PTPRQ: variants seen among roughly 807,000 people sequenced by gnomAD.
PTPRQ encodes protein tyrosine phosphatase receptor type Q, also known as phosphatidylinositol phosphatase PTPRQ.
A neutral mutation model predicts 246.0 loss-of-function variants in PTPRQ; 199 were observed. The ratio of observed to expected loss-of-function variants is 0.81; its 90% CI spans 0.72 to 0.91. The LOEUF (loss-of-function observed/expected upper bound fraction) is 0.91. Among genes scored for constraint, PTPRQ ranks in the 40% least tolerant of loss-of-function variants. The pLI is 0.00. For missense variants in PTPRQ, 2,624 were observed against 2,528.4 expected, an observed-to-expected ratio of 1.04 and a Z score of -0.81; for synonymous variants, 869 against 853.2, an observed-to-expected ratio of 1.02 and a Z score of -0.32.
intron 25 of PTPRQ, among the ~76,000 whole-genome samples, chr12:80,570,062 T>G (rs1194753588): frequency 1.3e-5 from 2 of 152,198 alleles, no homozygotes; most frequent in Admixed American, 1.3e-4. Context: ...TGTGTCTTTA[T>G]AGTAGAGTGA....
At chr12:80,612,576 T>A (rs1361145056) in intron 28 of PTPRQ, among the ~76,000 whole-genome samples, 1 of 150,420 alleles carries the variant, frequency 6.6e-6, no homozygotes, top group East Asian at 1.9e-4. Context: ...TCTCATACAT[T>A]GCTAGTAGGA....
In PTPRQ at chr12:80,493,444, C is replaced by T; in HGVS notation, c.1529C>T (p.Thr510Ile). 1 of 1,548,194 alleles carries T rather than the reference C, an allele frequency of 6.5e-7. No individual in the cohort carries two copies. Among genetic ancestry groups the T allele is most frequent in the Non-Finnish European group, 8.7e-7 (1 of 1,145,096 alleles). The part of the protein sequence containing the change: ...FPARNRAEDQ[T>I]SPVVTTRNQY... ...GCAAGGAATAGAGCTGAAGACCAGA[C>T]TTCACCAGTTGGTAGGTAGAATTTT... The change falls in exon 10 of 45, where the codon ACT becomes ATT. Residue 510 changes from threonine to isoleucine, a missense_variant. Coordinates refer to ENST00000644991, the MANE Select transcript of PTPRQ (RefSeq NM_001145026.2).
rs1895240486 is a variant in PTPRQ at position 80,514,762 on chromosome 12, A to G, written c.2678+4319A>G. Among the ~76,000 whole-genome samples the G allele has an allele frequency of 2.7e-5, 4 of 146,348 alleles. 1 individual carries two copies. The South Asian group carries it at 8.4e-4, about 31-fold the overall frequency. ...TTACATTAGGTATTATATAATTATT[A>G]CATATTATTATATATAATTGTTATA... On this transcript the variant is annotated intron_variant, in intron 17 of 44. Coordinates refer to ENST00000644991, the MANE Select transcript of PTPRQ (RefSeq NM_001145026.2).
chr12:80,559,113 CA>C (rs892105941), intron 25 of PTPRQ, among the ~76,000 whole-genome samples: 46 of 152,152 alleles, frequency 3.0e-4, no homozygotes, highest in African/African-American at 1.1e-3. Flanking sequence ...GGCGCAATCT[CA>C]GCTCACCGGA....
At chr12:80,610,119 T>C (rs1215768789) in intron 27 of PTPRQ, among the ~76,000 whole-genome samples, 1 of 150,568 alleles carries the variant, frequency 6.6e-6, no homozygotes, top group Non-Finnish European at 1.5e-5. Flanking sequence ...CCAAAACCTC[T>C]ATGCTTTCTT....
chr12:80,561,700 A>C (rs960042829), intron 25 of PTPRQ: 1 of 152,034 alleles, frequency 6.6e-6, no homozygotes, highest in Non-Finnish European at 1.5e-5. Flanking sequence ...ATTGCTTGAG[A>C]TTCTCTGCGT....
chr12:80,659,699 C>T (rs935034796), intron 39 of PTPRQ, among the ~76,000 whole-genome samples: 1 of 151,966 alleles, frequency 6.6e-6, no homozygotes, highest in Admixed American at 6.6e-5. Context: ...CAAATGATAA[C>T]GTGGTATGAG....
intron 17 of PTPRQ, chr12:80,512,517 A>C (rs561092860): frequency 1.5e-4 from 23 of 152,324 alleles, no homozygotes; most frequent in African/African-American, 5.5e-4. Flanking sequence ...ATTTGTTAGG[A>C]ATAAGTAATG....
intron 39 of PTPRQ, among the ~76,000 whole-genome samples, chr12:80,667,941 C>T (rs541539905): frequency 6.6e-6 from 1 of 151,962 alleles, no homozygotes; most frequent in East Asian, 1.9e-4. Flanking sequence ...TCCTGGCTTG[C>T]ACTGTAATTT....
intron 8 of PTPRQ, among the ~76,000 whole-genome samples, chr12:80,475,050 T>C (rs1222709793): frequency 6.6e-6 from 1 of 152,198 alleles, no homozygotes; most frequent in Non-Finnish European, 1.5e-5. Flanking sequence ...GAAACTTTAA[T>C]TTGCTAGATA....
At chr12:80,563,387 T>C (rs1896885860) in intron 25 of PTPRQ, among the ~76,000 whole-genome samples, 1 of 151,736 alleles carries the variant, frequency 6.6e-6, no homozygotes, top group Admixed American at 6.6e-5. Context: ...AGAGCCCTCA[T>C]GAGCTAATCC....
intron 19 of PTPRQ, among the ~76,000 whole-genome samples, chr12:80,537,310 T>C (rs1896016761): frequency 6.6e-6 from 1 of 152,186 alleles, no homozygotes; most frequent in Non-Finnish European, 1.5e-5. Flanking sequence ...GCAGAATAAG[T>C]GTATACCTTT....
Position 80,520,548 on chromosome 12 carries a change from C to T in PTPRQ, c.2678+10105C>T, listed in dbSNP as rs1895446038. On this transcript the variant is annotated intron_variant, in intron 17 of 44. Transcript: ENST00000644991. ...ACAACAGGCCCCGGTGTGTGATGTTCCCCTTCCTGTGTCCATGTGTTCTCA... is the reference window on the plus strand; with the variant it reads ...ACAACAGGCCCCGGTGTGTGATGTTTCCCTTCCTGTGTCCATGTGTTCTCA... Among the ~76,000 whole-genome samples, 3 of 120,654 alleles carry T rather than the reference C, an allele frequency of 2.5e-5. No homozygotes were observed. The Admixed American group carries it at 3.2e-4, about 13-fold the overall frequency. 79.2% of individuals were successfully genotyped at this position (120,654 alleles called of 152,430 possible).
chr12:80,590,233 A>G (rs1246437124), intron 26 of PTPRQ, among the ~76,000 whole-genome samples: 2 of 152,164 alleles, frequency 1.3e-5, no homozygotes, highest in Non-Finnish European at 2.9e-5. Context: ...CACACCATCT[A>G]AACAAATTCC....
chr12:80,598,668 G>T (rs1478631318), intron 26 of PTPRQ, among the ~76,000 whole-genome samples: 1 of 151,904 alleles, frequency 6.6e-6, no homozygotes, highest in African/African-American at 2.4e-5. Context: ...TAGAAATCTG[G>T]TGGCCTAGTG....
chr12:80,596,438 C>T (rs992818578), intron 26 of PTPRQ, among the ~76,000 whole-genome samples: 2 of 151,334 alleles, frequency 1.3e-5, no homozygotes, highest in Non-Finnish European at 3.0e-5. Context: ...TTTAAATCAT[C>T]AATATTTTAG....
chr12:80,603,088 T>C (rs185553570), intron 26 of PTPRQ, among the ~76,000 whole-genome samples: 89 of 151,862 alleles, frequency 5.9e-4, no homozygotes, highest in Non-Finnish European at 1.1e-3. Context: ...AATTCACTAA[T>C]ATTAATGCAT....
At chr12:80,647,241 C>A (rs1900106045) in intron 35 of PTPRQ, among the ~76,000 whole-genome samples, 1 of 152,180 alleles carries the variant, frequency 6.6e-6, no homozygotes, top group African/African-American at 2.4e-5. Flanking sequence ...TTTTGCCAAT[C>A]ACAATGGAAT....
At chr12:80,668,812 T>G (rs1173728003) in intron 39 of PTPRQ, among the ~76,000 whole-genome samples, 195 bp from the exon 40 acceptor site, 1 of 151,944 alleles carries the variant, frequency 6.6e-6, no homozygotes. Context: ...GAGAACCATT[T>G]GTTGTGTAGT....
Sources: gnomAD v4.1 joint callset for allele counts (sites outside exome capture counted in the v4.1 genomes callset) on GRCh38, gnomAD v4.1.1 for gene constraint, MANE v1.5 for transcripts, NCBI Gene and HGNC (gene_info 2026-07-23, HGNC 2026-07-21) for gene names.